The following PDE12 variants were observed in gnomAD, a reference collection of about 807,000 sequenced individuals.
The protein encoded by PDE12 is 2',5'-phosphodiesterase 12.
In PDE12, 26 loss-of-function variants were observed where a neutral mutation model predicts 45.4. That is an observed-to-expected ratio of 0.57 (90% CI 0.42 to 0.79). The LOEUF (loss-of-function observed/expected upper bound fraction) is 0.79, where lower values mean the gene tolerates loss of function less well. PDE12 is among the 30% of genes least tolerant of loss of function. The pLI is 0.00. For synonymous variants in PDE12, 283 were observed against 323.9 expected, an observed-to-expected ratio of 0.87 and a Z score of 1.36; for missense variants, 668 against 790.0, an observed-to-expected ratio of 0.85 and a Z score of 1.85.
At chr3:57,597,182 T>TGG in the PDE12 span, 1 of 1,574,360 alleles carries the variant, frequency 6.4e-7, no homozygotes, top group East Asian at 2.2e-5. Context: ...AGAAGGGGTT[T>TGG]GGGGCGACCC....
the PDE12 span, among the ~76,000 whole-genome samples, chr3:57,576,045 A>C: frequency 1.6e-4 from 24 of 152,324 alleles, no homozygotes; most frequent in South Asian, 3.9e-3. Context: ...AGAAGTACTT[A>C]GATAGATGAT....
chr3:57,570,896 C>T (rs2153408123), downstream of PDE12, among the ~76,000 whole-genome samples: 1 of 152,232 alleles, frequency 6.6e-6, no homozygotes, highest in South Asian at 2.1e-4. Context: ...TACATACATG[C>T]TTTTTGGGCA....
At chr3:57,577,398 ATTG>A in the PDE12 span, 2 of 1,583,004 alleles carry the variant, frequency 1.3e-6, no homozygotes, top group Non-Finnish European at 1.7e-6. Flanking sequence ...CTGGGGAAAA[ATTG>A]TTTCAGTAAA....
the PDE12 span, among the ~76,000 whole-genome samples, chr3:57,602,762 T>G: frequency 6.6e-6 from 1 of 151,474 alleles, no homozygotes; most frequent in Non-Finnish European, 1.5e-5. Context: ...GTAGAGACGG[T>G]GTTTCACCAT....
At chr3:57,598,258 ATT>A in the PDE12 span, 1 of 152,146 alleles carries the variant, frequency 6.6e-6, no homozygotes, top group Non-Finnish European at 1.5e-5. Flanking sequence ...CAGGATAAAG[ATT>A]TAATCTATTT....
At chr3:57,587,519 G>A in the PDE12 span, among the ~76,000 whole-genome samples, 3 of 151,386 alleles carry the variant, frequency 2.0e-5, no homozygotes, top group African/African-American at 7.3e-5. Flanking sequence ...TCTACTGATA[G>A]GAATTTTTTT....
chr3:57,575,691 GGC>G, the PDE12 span: 1 of 1,598,270 alleles, frequency 6.3e-7, no homozygotes, highest in African/African-American at 1.3e-5. Context: ...TAAAAGGTAA[GGC>G]ATTAACAACT....
the PDE12 span, among the ~76,000 whole-genome samples, chr3:57,638,736 T>C: frequency 1.3e-5 from 2 of 152,118 alleles, no homozygotes; most frequent in African/African-American, 4.8e-5. Flanking sequence ...TCACCGATCA[T>C]GAGGGAAATG....
intron 1 of PDE12, among the ~76,000 whole-genome samples, chr3:57,558,015 G>T (rs879692722): frequency 4.6e-5 from 7 of 152,120 alleles, no homozygotes; most frequent in Non-Finnish European, 7.4e-5. Context: ...GCACTGTTCT[G>T]GCACATTTTA....
the PDE12 span, chr3:57,645,591 A>C: frequency 4.2e-6 from 5 of 1,181,070 alleles, no homozygotes; most frequent in Non-Finnish European, 6.0e-6. Context: ...AGCTTTTATT[A>C]CCAAAAATAA....
chr3:57,560,186 C>T lies in PDE12; in HGVS notation c.*182C>T. On this transcript the variant is annotated 3_prime_UTR_variant, in exon 3 of 3. Transcript: ENST00000311180. ...TGTTTGCATCATACATCTTCTCTTTCCTTGTTTTCCTCTACAATTGGAGGA... is the reference window on the plus strand; with the variant it reads ...TGTTTGCATCATACATCTTCTCTTTTCTTGTTTTCCTCTACAATTGGAGGA... The T allele has an allele frequency of 7.6e-7, 1 of 1,307,384 alleles. No homozygotes were observed. The highest frequency in any genetic ancestry group is 9.7e-7 in the Non-Finnish European group (1 of 1,031,264). 81.0% of individuals were successfully genotyped at this position (1,307,384 alleles called of 1,614,324 possible).
the PDE12 span, among the ~76,000 whole-genome samples, chr3:57,618,648 G>A: frequency 1.7e-4 from 20 of 119,044 alleles, no homozygotes; most frequent in Non-Finnish European, 3.1e-4. Context: ...TTCGCTCGTT[G>A]CCCAGGCTGG....
At chr3:57,638,239 T>C in the PDE12 span, among the ~76,000 whole-genome samples, 6 of 151,076 alleles carry the variant, frequency 4.0e-5, no homozygotes, top group Non-Finnish European at 7.4e-5. Context: ...ATATATCTAA[T>C]AAGGATTACT....
Position 57,563,076 on chromosome 3 carries a change from G to A in PDE12, c.*3072G>A, listed in dbSNP as rs2069743529. The stretch of plus-strand genomic sequence containing the variant: ...AAAGGCAGAGGTTCCCTGCAAACTA[G>A]TTTGGTTGGGATAAATCCAATATTT... On this transcript the variant is annotated 3_prime_UTR_variant, in exon 3 of 3. Transcript: ENST00000311180. The A allele has an allele frequency of 6.6e-6, 1 of 152,174 alleles. No individual in the cohort carries two copies. The highest frequency in any genetic ancestry group is 1.5e-5 in the Non-Finnish European group (1 of 68,040). The allele number at this position is 152,174 out of a possible 1,614,324, so 9.4% of individuals were successfully genotyped here.
the PDE12 span, among the ~76,000 whole-genome samples, chr3:57,644,229 T>A: frequency 6.6e-6 from 1 of 151,588 alleles, no homozygotes; most frequent in African/African-American, 2.4e-5. Context: ...TTTAAGGGAT[T>A]CGTAGAGAAA....
At chr3:57,639,604 C>T in the PDE12 span, among the ~76,000 whole-genome samples, 1 of 152,158 alleles carries the variant, frequency 6.6e-6, no homozygotes, top group Non-Finnish European at 1.5e-5. Context: ...TCTGTATTAT[C>T]ATTAATACTC....
chr3:57,638,428 C>A, the PDE12 span, among the ~76,000 whole-genome samples: 8 of 151,678 alleles, frequency 5.3e-5, no homozygotes, highest in Non-Finnish European at 8.8e-5. Flanking sequence ...GAGGCCAAGG[C>A]GGGTGGATCA....
the PDE12 span, among the ~76,000 whole-genome samples, chr3:57,592,179 T>C: frequency 6.6e-6 from 1 of 152,150 alleles, no homozygotes; most frequent in African/African-American, 2.4e-5. Flanking sequence ...TAGGTTTTTC[T>C]GGTGGACATA....
At position 57,561,842 on chromosome 3, in the gene PDE12, C is replaced by T. The variant is rs1254246823; in HGVS notation, c.*1838C>T. 3 of 985,184 alleles carry T rather than the reference C, an allele frequency of 3.0e-6. No homozygotes were observed. The highest frequency in any genetic ancestry group is 3.5e-5 in the African/African-American group (2 of 57,230). 61.0% of individuals were successfully genotyped at this position (985,184 alleles called of 1,614,324 possible). On this transcript the variant is annotated 3_prime_UTR_variant, in exon 3 of 3. Coordinates refer to ENST00000311180, the MANE Select transcript of PDE12 (RefSeq NM_177966.7). ...AAGTTTGAAAATGAAGGGGTTTTAT[C>T]TGCATTTGACATTGAACCTTGAAGT...
Sources: gnomAD v4.1 joint callset for allele counts (sites outside exome capture counted in the v4.1 genomes callset) on GRCh38, gnomAD v4.1.1 for gene constraint, MANE v1.5 for transcripts, NCBI Gene and HGNC (gene_info 2026-07-23, HGNC 2026-07-21) for gene names.